Variants in FER observed in about 807,000 individuals in gnomAD.
FER encodes tyrosine-protein kinase Fer.
In FER, 63 loss-of-function variants were observed where a neutral mutation model predicts 111.0. The ratio of observed to expected loss-of-function variants is 0.57; its 90% CI spans 0.46 to 0.70. The LOEUF is 0.70. Among genes scored for constraint, FER ranks in the 30% least tolerant of loss-of-function variants. The pLI is 0.00. For missense variants in FER, 914 were observed against 954.0 expected (o/e 0.96, Z 0.55); for synonymous variants, 327 against 313.9 (o/e 1.04, Z -0.44).
chr5:108,867,772 G>T lies in FER; in HGVS notation c.487G>T (p.Glu163Ter). ...TCAGTTTTTTTTTTTTTCAGGGAAG[G>T]AAACTGAAAAGGCCAAGGAACGATA... ...KYKEALAKGK[E>*]TEKAKERYDK... The change falls in exon 6 of 20, where the codon GAA becomes TAA. Residue 163 changes from glutamate (E) to a stop codon, truncating the protein, a stop_gained. Transcript: ENST00000281092. LOFTEE classifies it high-confidence loss of function. The T allele has an allele frequency of 1.3e-6, 2 of 1,595,718 alleles. No individual in the cohort carries two copies. The highest frequency in any genetic ancestry group is 1.7e-6 in the Non-Finnish European group (2 of 1,174,678).
chr5:109,001,418 T>G (rs1435626814), intron 13 of FER, among the ~76,000 whole-genome samples: 1 of 152,150 alleles, frequency 6.6e-6, no homozygotes, highest in African/African-American at 2.4e-5. Context: ...AAAAGGCCTT[T>G]GACAAAATTC....
At chr5:108,906,499 C>G (rs1384722043) in intron 10 of FER, among the ~76,000 whole-genome samples, 1 of 151,146 alleles carries the variant, frequency 6.6e-6, no homozygotes, top group African/African-American at 2.4e-5. Flanking sequence ...TATGCATTAC[C>G]TTTATAATAG....
At chr5:109,091,795 C>T (rs1024098467) in intron 16 of FER, among the ~76,000 whole-genome samples, 2 of 152,064 alleles carry the variant, frequency 1.3e-5, no homozygotes, top group Non-Finnish European at 2.9e-5. Flanking sequence ...TCCCTGACCC[C>T]CTGGACACAC....
chr5:109,088,228 T>G (rs1777777735), intron 16 of FER, among the ~76,000 whole-genome samples: 1 of 152,028 alleles, frequency 6.6e-6, no homozygotes, highest in African/African-American at 2.4e-5. Context: ...TCTTCTTTTG[T>G]TTTTAAAACC....
At chr5:108,789,124 G>C (rs1298729842) in intron 2 of FER, among the ~76,000 whole-genome samples, 1 of 152,212 alleles carries the variant, frequency 6.6e-6, no homozygotes, top group Non-Finnish European at 1.5e-5. Flanking sequence ...TGTTCAGCTT[G>C]ATGAATTTTC....
At chr5:109,184,061 A>C (rs564029422) in intron 18 of FER, among the ~76,000 whole-genome samples, 5 of 152,226 alleles carry the variant, frequency 3.3e-5, no homozygotes, top group African/African-American at 1.2e-4. Context: ...TACCATCCTT[A>C]GTCACAGCTG....
chr5:108,813,995 TATCTC>T (rs1378744105), intron 3 of FER, among the ~76,000 whole-genome samples: 8 of 152,294 alleles, frequency 5.3e-5, no homozygotes, highest in African/African-American at 1.9e-4. Context: ...AAGTCGTAAA[TATCTC>T]TAGTAGATTT....
intron 17 of FER, among the ~76,000 whole-genome samples, chr5:109,138,166 C>CTA (rs1753117802): frequency 6.6e-6 from 1 of 152,178 alleles, no homozygotes; most frequent in African/African-American, 2.4e-5. Flanking sequence ...TGAAGAATTA[C>CTA]TCTCTCCATT....
chr5:108,781,029 C>T, intron 2 of FER, among the ~76,000 whole-genome samples: 1 of 152,172 alleles, frequency 6.6e-6, no homozygotes, highest in East Asian at 1.9e-4. Context: ...TTTCATTTCT[C>T]TGCTTACATT....
At chr5:108,759,562 TA>T (rs1453268612) in intron 1 of FER, among the ~76,000 whole-genome samples, 5 of 152,210 alleles carry the variant, frequency 3.3e-5, no homozygotes. Context: ...CTGAGTAATT[TA>T]AAAATAATAG....
intron 2 of FER, among the ~76,000 whole-genome samples, chr5:108,793,373 A>G (rs1478141206): frequency 6.6e-6 from 1 of 152,158 alleles, no homozygotes; most frequent in Non-Finnish European, 1.5e-5. Context: ...TCCATTGCGT[A>G]TATGTACCAC....
At chr5:109,131,737 C>T (rs1305641137) in intron 17 of FER, among the ~76,000 whole-genome samples, 1 of 152,014 alleles carries the variant, frequency 6.6e-6, no homozygotes, top group East Asian at 1.9e-4. Context: ...CATCATATGC[C>T]ATTATGGTAT....
chr5:108,860,443 T>G (rs1763407255), intron 5 of FER, among the ~76,000 whole-genome samples: 1 of 152,240 alleles, frequency 6.6e-6, no homozygotes, highest in South Asian at 2.1e-4. Context: ...AAACTAAAAT[T>G]TAGATTAAAT....
chr5:109,044,355 A>AT (rs992211379), intron 14 of FER, among the ~76,000 whole-genome samples: 2 of 151,502 alleles, frequency 1.3e-5, no homozygotes, highest in African/African-American at 4.8e-5. Flanking sequence ...ATTTTTTGGT[A>AT]TTTTTTTAGT....
intron 3 of FER, 68 bp from the exon 4 acceptor site, chr5:108,832,702 A>C: frequency 8.7e-7 from 1 of 1,149,560 alleles, no homozygotes; most frequent in Non-Finnish European, 1.1e-6. Flanking sequence ...AAAGTTTTGA[A>C]CTCTTAAAGC....
chr5:108,811,739 C>T lies in FER; in HGVS notation c.207+13350C>T, dbSNP rs190939864. Among the ~76,000 whole-genome samples, 32 of 152,186 alleles carry T rather than the reference C, an allele frequency of 2.1e-4. 1 individual carries two copies. The East Asian group carries it at 2.5e-3, about 12-fold the overall frequency. ...GTAATTCAGTCTGAGTCTAAAGGCC[C>T]GAGAACCAGAGGTACCTCCTGTGTA... On this transcript the variant is annotated intron_variant, in intron 3 of 19. Coordinates refer to ENST00000281092, the MANE Select transcript of FER (RefSeq NM_005246.4).
chr5:108,776,660 G>A (rs923826176), intron 2 of FER, among the ~76,000 whole-genome samples: 1 of 152,052 alleles, frequency 6.6e-6, no homozygotes, highest in African/African-American at 2.4e-5. Flanking sequence ...TAAAAACTGT[G>A]TATTTATAGA....
chr5:108,750,631 G>T (rs1001879464), intron 1 of FER, among the ~76,000 whole-genome samples: 3 of 152,192 alleles, frequency 2.0e-5, no homozygotes, highest in Non-Finnish European at 2.9e-5. Context: ...TTCAAAGGTT[G>T]ATGTCTTTAG....
intron 5 of FER, among the ~76,000 whole-genome samples, chr5:108,851,377 C>T (rs542866659): frequency 1.4e-3 from 208 of 152,200 alleles, no homozygotes; most frequent in African/African-American, 4.4e-3. Context: ...ATCATGAGAA[C>T]GCCATGGGAA....
Sources: gnomAD v4.1 joint callset for allele counts (sites outside exome capture counted in the v4.1 genomes callset) on GRCh38, gnomAD v4.1.1 for gene constraint, MANE v1.5 for transcripts, NCBI Gene and HGNC (gene_info 2026-07-23, HGNC 2026-07-21) for gene names.